The following STYX variants were observed in gnomAD, a reference collection of about 807,000 sequenced individuals.
STYX encodes the protein serine/threonine/tyrosine-interacting protein.
STYX carries 20 observed loss-of-function variants against 42.7 expected under a neutral mutation model. That is an observed-to-expected ratio of 0.47 (90% confidence interval 0.33 to 0.68). STYX has a LOEUF of 0.68. STYX is among the 30% of genes least tolerant of loss of function. STYX has a pLI of 0.02. For missense variants in STYX, 226 were observed against 268.5 expected, an observed-to-expected ratio of 0.84 and a Z score of 1.11; for synonymous variants, 78 against 81.9, an observed-to-expected ratio of 0.95 and a Z score of 0.26.
At position 52,736,287 on chromosome 14, in the gene STYX, C is replaced by A. The variant is rs1290198229; in HGVS notation, c.57+5756C>A. ...CTAACTCCTTTCCTCATCCTCTAGA[C>A]TGGTTCAATTCCCCAGCTACTATGG... On this transcript the variant is annotated intron_variant, in intron 1 of 10. Transcript: ENST00000354586. Among the ~76,000 whole-genome samples the A allele has an allele frequency of 2.0e-5, 3 of 152,324 alleles. No individual in the cohort carries two copies. In the East Asian group the frequency reaches 5.8e-4, roughly 29 times the overall value.
At chr14:52,731,359 A>G (rs1880692822) in intron 1 of STYX, among the ~76,000 whole-genome samples, 1 of 152,234 alleles carries the variant, frequency 6.6e-6, no homozygotes, top group South Asian at 2.1e-4. Context: ...TGGGAAAAAT[A>G]AAGCCCTATT....
In STYX at chr14:52,773,690, C is replaced by A. The variant is rs1434431861; in HGVS notation, c.*2584C>A. ...TGAAGTTTATTATTTCATATAAGAA[C>A]ATTACAGGTTTGTTTTTTCTTGCAT... On this transcript the variant is annotated 3_prime_UTR_variant, in exon 11 of 11. Transcript: ENST00000354586. 1.3e-5 allele frequency: 2 copies of A among 152,130 alleles called. No homozygotes were observed. The highest frequency in any genetic ancestry group is 2.9e-5 in the Non-Finnish European group (2 of 68,020). The allele number at this position is 152,130 out of a possible 1,614,324, so 9.4% of individuals were successfully genotyped here.
intron 1 of STYX, among the ~76,000 whole-genome samples, chr14:52,737,390 C>T (rs1365716416): frequency 6.6e-6 from 1 of 152,134 alleles, no homozygotes; most frequent in Non-Finnish European, 1.5e-5. Context: ...GTACTTTCTA[C>T]CTCATGTTGA....
chr14:52,743,604 T>A (rs1341635905), intron 1 of STYX, among the ~76,000 whole-genome samples: 2 of 151,924 alleles, frequency 1.3e-5, no homozygotes. Flanking sequence ...ATAAAAAAAA[T>A]ACTTTTCTGA....
At chr14:52,766,947 A>T (rs1399483915) in intron 9 of STYX, among the ~76,000 whole-genome samples, 4 of 152,096 alleles carry the variant, frequency 2.6e-5, no homozygotes, top group Non-Finnish European at 5.9e-5. Flanking sequence ...AGGCACTGAC[A>T]GTAAAGCAGA....
At chr14:52,762,208 C>T (rs1050824650) in intron 9 of STYX, among the ~76,000 whole-genome samples, 1 of 152,010 alleles carries the variant, frequency 6.6e-6, no homozygotes, top group Non-Finnish European at 1.5e-5. Context: ...TTTTTGTGAT[C>T]ATTTGTTGGT....
At chr14:52,745,937 T>C (rs984052642) in intron 2 of STYX, among the ~76,000 whole-genome samples, 4 of 152,338 alleles carry the variant, frequency 2.6e-5, no homozygotes, top group Admixed American at 6.5e-5. Flanking sequence ...TTATGACTTA[T>C]AGAACTGAAC....
At chr14:52,769,567 T>C (rs1406132270) in intron 10 of STYX, among the ~76,000 whole-genome samples, 1 of 152,162 alleles carries the variant, frequency 6.6e-6, no homozygotes, top group African/African-American at 2.4e-5. Flanking sequence ...TATAGAACTC[T>C]TTGCACTCTA....
At chr14:52,754,736 G>A (rs925326487) in intron 4 of STYX, among the ~76,000 whole-genome samples, 1 of 151,974 alleles carries the variant, frequency 6.6e-6, no homozygotes, top group Non-Finnish European at 1.5e-5. Flanking sequence ...ACTATATAAG[G>A]TGAAACTAAT....
In STYX at chr14:52,745,425, G is replaced by A. The variant is rs923291851; in HGVS notation, c.90+541G>A. Among the ~76,000 whole-genome samples the A allele has an allele frequency of 5.3e-5, 8 of 152,234 alleles. No homozygotes were observed. In the East Asian group the frequency reaches 5.8e-4, roughly 11 times the overall value. ...GCTGGGATTACAGGCATGAGCCACC[G>A]TGCCTGGCCAATGAGTCACTTTCTT... On this transcript the variant is annotated intron_variant, in intron 2 of 10. Coordinates refer to ENST00000354586, the MANE Select transcript of STYX (RefSeq NM_145251.4).
In STYX at chr14:52,742,797, AT is replaced by A. The variant is rs752559919; in HGVS notation, c.58-2039del. Among the ~76,000 whole-genome samples, 584 of 138,196 alleles carry A rather than the reference AT, an allele frequency of 4.2e-3. 1 individual carries two copies. The highest frequency in any genetic ancestry group is 8.7e-3 in the African/African-American group (329 of 37,648). 90.7% of individuals were successfully genotyped at this position (138,196 alleles called of 152,430 possible). A position where few individuals can be genotyped will look rare whatever the true frequency, so the allele number is the denominator to read the frequency against. On this transcript the variant is annotated intron_variant, in intron 1 of 10. Coordinates refer to ENST00000354586, the MANE Select transcript of STYX (RefSeq NM_145251.4). Reference sequence around the variant, plus strand: ...CTGATTGATTGCTATGAATCTTTTGATTTTTTTTTTTTTTTTGAGATGGAGT... The same window carrying A: ...CTGATTGATTGCTATGAATCTTTTGATTTTTTTTTTTTTTTGAGATGGAGT...
At position 52,771,527 on chromosome 14, in the gene STYX, TA is replaced by T; in HGVS notation, c.*426del. The T allele has an allele frequency of 6.5e-6, 1 of 153,732 alleles. No individual in the cohort carries two copies. Among genetic ancestry groups the T allele is most frequent in the Admixed American group, 6.5e-5 (1 of 15,318 alleles). The allele number at this position is 153,732 out of a possible 1,614,324, so 9.5% of individuals were successfully genotyped here. On this transcript the variant is annotated 3_prime_UTR_variant, in exon 11 of 11. Transcript: ENST00000354586. ...TATAACAAAATTTGCTAAGGTTTGC[TA>T]AAAATTCATTTTTCTGTTCTATATA...
In STYX at chr14:52,756,749, G is replaced by A. The variant is rs137927855; in HGVS notation, c.303+138G>A. 9.2e-4 allele frequency: 391 copies of A among 425,102 alleles called. 7 individuals are homozygous for A. In the East Asian group the frequency reaches 0.015, roughly 16 times the overall value. 26.3% of individuals were successfully genotyped at this position (425,102 alleles called of 1,614,324 possible). A position where few individuals can be genotyped will look rare whatever the true frequency, so the allele number is the denominator to read the frequency against. On this transcript the variant is annotated intron_variant, in intron 5 of 10. Coordinates refer to ENST00000354586, the MANE Select transcript of STYX (RefSeq NM_145251.4). Reference sequence around the variant, plus strand: ...GTTGCCCAGGCTGGAGTGCAATGGCGCAATCTTGGCTCACCACAACCTCTG... The same window carrying A: ...GTTGCCCAGGCTGGAGTGCAATGGCACAATCTTGGCTCACCACAACCTCTG...
At chr14:52,760,762 T>C (rs889327448) in intron 9 of STYX, among the ~76,000 whole-genome samples, 3 of 152,328 alleles carry the variant, frequency 2.0e-5, no homozygotes, top group Non-Finnish European at 4.4e-5. Context: ...CTTTGCCTTT[T>C]ACCATGTTGT....
At chr14:52,747,129 A>T (rs1881424988) in intron 3 of STYX, among the ~76,000 whole-genome samples, 1 of 152,226 alleles carries the variant, frequency 6.6e-6, no homozygotes, top group Non-Finnish European at 1.5e-5. Context: ...TAAATAAGGG[A>T]TATTCAATCC....
chr14:52,763,560 CT>C (rs1302686969), intron 9 of STYX, among the ~76,000 whole-genome samples: 1 of 152,046 alleles, frequency 6.6e-6, no homozygotes, highest in Non-Finnish European at 1.5e-5. Flanking sequence ...GCTTGATATT[CT>C]GTGATTTCAG....
intron 1 of STYX, among the ~76,000 whole-genome samples, chr14:52,740,882 A>C (rs1262793328): frequency 6.6e-6 from 1 of 152,258 alleles, no homozygotes; most frequent in Admixed American, 6.5e-5. Flanking sequence ...ATTAGCATAG[A>C]AGGTTACATC....
At chr14:52,760,621 T>G (rs531003325) in intron 9 of STYX, among the ~76,000 whole-genome samples, 1 of 152,200 alleles carries the variant, frequency 6.6e-6, no homozygotes, top group Admixed American at 6.5e-5. Flanking sequence ...TATATTGTTA[T>G]AGTTACCAAG....
At chr14:52,733,884 G>A (rs1199149573) in intron 1 of STYX, among the ~76,000 whole-genome samples, 3 of 152,198 alleles carry the variant, frequency 2.0e-5, no homozygotes, top group African/African-American at 7.2e-5. Context: ...CAGTGTGGGA[G>A]CTGCCCTAGC....
Sources: gnomAD v4.1 joint callset for allele counts (sites outside exome capture counted in the v4.1 genomes callset) on GRCh38, gnomAD v4.1.1 for gene constraint, MANE v1.5 for transcripts, NCBI Gene and HGNC (gene_info 2026-07-23, HGNC 2026-07-21) for gene names.